Variants in PRKCE observed in about 807,000 individuals in gnomAD.
The protein encoded by PRKCE is protein kinase C epsilon type.
PRKCE carries 16 observed loss-of-function variants against 85.4 expected under a neutral mutation model. The observed-to-expected ratio is 0.19, with a 90% CI of 0.13 to 0.28. PRKCE has a LOEUF of 0.28. PRKCE is among the 10% of genes least tolerant of loss of function. The probability of loss-of-function intolerance (pLI) is 1.00; values close to 1 mark genes in which losing one functional copy is unlikely to be tolerated. For missense variants in PRKCE, 573 were observed against 975.2 expected (o/e 0.59, Z 5.49); for synonymous variants, 388 against 371.5 (o/e 1.04, Z -0.51).
At chr2:46,153,330 A>G in intron 13 of PRKCE, among the ~76,000 whole-genome samples, 1 of 152,224 alleles carries the variant, frequency 6.6e-6, no homozygotes, top group East Asian at 1.9e-4. Context: ...CATTTATTCT[A>G]TAAATATTTA....
At chr2:46,182,095 C>T (rs184022664) in intron 14 of PRKCE, among the ~76,000 whole-genome samples, 1 of 152,282 alleles carries the variant, frequency 6.6e-6, no homozygotes, top group African/African-American at 2.4e-5. Flanking sequence ...TCCCCTTCGG[C>T]TCCAGCTCCC....
intron 1 of PRKCE, among the ~76,000 whole-genome samples, chr2:45,784,481 C>T (rs1217737384): frequency 6.6e-6 from 1 of 152,186 alleles, no homozygotes; most frequent in Non-Finnish European, 1.5e-5. Flanking sequence ...TAATCAGCTT[C>T]GTGTTGGGAT....
chr2:45,942,746 C>A (rs1270176822), intron 2 of PRKCE, among the ~76,000 whole-genome samples: 1 of 152,142 alleles, frequency 6.6e-6, no homozygotes, highest in Non-Finnish European at 1.5e-5. Context: ...TCTTGAGATT[C>A]AGTTTTTTTC....
intron 14 of PRKCE, among the ~76,000 whole-genome samples, chr2:46,182,124 G>T (rs1320014844): frequency 1.3e-5 from 2 of 152,022 alleles, no homozygotes; most frequent in Non-Finnish European, 2.9e-5. Flanking sequence ...GATGCTCCTG[G>T]CTTGCCTTCT....
intron 6 of PRKCE, among the ~76,000 whole-genome samples, chr2:45,996,435 T>C (rs1704223919): frequency 6.6e-6 from 1 of 152,200 alleles, no homozygotes; most frequent in Non-Finnish European, 1.5e-5. Context: ...ATCCTTTTTG[T>C]GTTCCTGATC....
intron 2 of PRKCE, among the ~76,000 whole-genome samples, chr2:45,869,678 T>C (rs528922341): frequency 4.6e-5 from 7 of 150,932 alleles, no homozygotes; most frequent in Admixed American, 1.3e-4. Context: ...ACATTTTTCT[T>C]TTTGTTTTTG....
chr2:45,828,952 T>A (rs1443091385), intron 1 of PRKCE, among the ~76,000 whole-genome samples: 1 of 152,206 alleles, frequency 6.6e-6, no homozygotes, highest in African/African-American at 2.4e-5. Context: ...TATATGTTCC[T>A]TTATAATCTC....
chr2:45,922,603 C>G (rs556502062), intron 2 of PRKCE, among the ~76,000 whole-genome samples: 2 of 152,354 alleles, frequency 1.3e-5, no homozygotes, highest in South Asian at 4.1e-4. Context: ...TGTCTCCACC[C>G]CAAGCCCATG....
intron 11 of PRKCE, among the ~76,000 whole-genome samples, chr2:46,141,908 C>T (rs1039537997): frequency 2.0e-5 from 3 of 152,134 alleles, no homozygotes; most frequent in African/African-American, 4.8e-5. Flanking sequence ...ACAGCCTGCC[C>T]GGTTCTGCCC....
At chr2:45,843,553 G>A (rs979751711) in intron 2 of PRKCE, among the ~76,000 whole-genome samples, 2 of 152,156 alleles carry the variant, frequency 1.3e-5, no homozygotes, top group Admixed American at 1.3e-4. Flanking sequence ...TGGGGTGAGG[G>A]AACATCTGCT....
chr2:46,174,788 C>T (rs1679263498), intron 14 of PRKCE, among the ~76,000 whole-genome samples: 1 of 152,138 alleles, frequency 6.6e-6, no homozygotes, highest in Non-Finnish European at 1.5e-5. Flanking sequence ...CTCCTGGACT[C>T]AAGCCAACCT....
intron 14 of PRKCE, among the ~76,000 whole-genome samples, chr2:46,172,634 C>A (rs1037795314): frequency 1.3e-5 from 2 of 152,232 alleles, no homozygotes; most frequent in Admixed American, 6.5e-5. Flanking sequence ...ATTGACTTCA[C>A]CTGCACTTAG....
At chr2:45,966,083 G>A (rs1162346342) in intron 2 of PRKCE, among the ~76,000 whole-genome samples, 1 of 152,138 alleles carries the variant, frequency 6.6e-6, no homozygotes, top group African/African-American at 2.4e-5. Context: ...CTTGGGAGGC[G>A]TGGATGGCTG....
intron 1 of PRKCE, among the ~76,000 whole-genome samples, chr2:45,772,216 G>A (rs1328140343): frequency 2.0e-5 from 3 of 151,792 alleles, no homozygotes; most frequent in East Asian, 1.9e-4. Context: ...AAGGTAGAAG[G>A]ATTCCTTGAG....
intron 2 of PRKCE, among the ~76,000 whole-genome samples, chr2:45,923,640 C>T (rs747336532): frequency 7.9e-5 from 12 of 152,104 alleles, no homozygotes; most frequent in Non-Finnish European, 1.5e-4. Context: ...CAAAGACACC[C>T]GTGAAGCAAT....
intron 1 of PRKCE, among the ~76,000 whole-genome samples, chr2:45,708,771 C>G (rs1443164033): frequency 2.6e-5 from 4 of 152,174 alleles, no homozygotes; most frequent in Non-Finnish European, 5.9e-5. Context: ...TTCTTCTAGG[C>G]CAGCCCACAA....
chr2:46,091,302 G>T (rs772154204), intron 11 of PRKCE, among the ~76,000 whole-genome samples: 1 of 152,164 alleles, frequency 6.6e-6, no homozygotes, highest in Non-Finnish European at 1.5e-5. Flanking sequence ...TGGGCTTTCC[G>T]TCCAAGGTTG....
In PRKCE at chr2:46,060,288, A is replaced by G. The variant is rs781472879; in HGVS notation, c.1438-25920A>G. ...AATGTATGATTGAGGTAGCAAGTTC[A>G]TGTCTAATCTCCATACGTCAGGTCA... On this transcript the variant is annotated intron_variant, in intron 10 of 14. Coordinates refer to ENST00000306156, the MANE Select transcript of PRKCE (RefSeq NM_005400.3). 3.3e-5 allele frequency among the ~76,000 whole-genome samples: 5 copies of G among 151,722 alleles called. 1 individual carries two copies. Among genetic ancestry groups the G allele is most frequent in the Admixed American group, 6.6e-5 (1 of 15,228 alleles).
intron 1 of PRKCE, among the ~76,000 whole-genome samples, chr2:45,841,243 C>T (rs1443294879): frequency 2.0e-5 from 3 of 152,194 alleles, no homozygotes; most frequent in African/African-American, 7.2e-5. Context: ...CACACGATCA[C>T]AAGGTGAAGT....
Sources: allele counts gnomAD v4.1 joint callset (sites outside exome capture counted in the v4.1 genomes callset), GRCh38; gene constraint gnomAD v4.1.1; transcripts MANE v1.5; gene names NCBI Gene and HGNC (gene_info 2026-07-23, HGNC 2026-07-21).